PARP8: variants seen among roughly 807,000 people sequenced by gnomAD.
PARP8 encodes poly(ADP-ribose) polymerase family member 8.
PARP8 carries 51 observed loss-of-function variants against 124.1 expected under a neutral mutation model. The ratio of observed to expected loss-of-function variants is 0.41; its 90% CI spans 0.33 to 0.52. PARP8 has a LOEUF of 0.52. Among genes scored for constraint, PARP8 ranks in the 20% least tolerant of loss-of-function variants. The pLI, the probability that PARP8 is intolerant of heterozygous loss-of-function variation, is 0.21. For synonymous variants in PARP8, 391 were observed against 361.5 expected (o/e 1.08, Z -0.93); for missense variants, 860 against 1,018.9 (o/e 0.84, Z 2.12).
chr5:50,749,245 T>C (rs193015331), intron 2 of PARP8, among the ~76,000 whole-genome samples: 1 of 151,824 alleles, frequency 6.6e-6, no homozygotes, highest in Non-Finnish European at 1.5e-5. Flanking sequence ...AGAGAATTAG[T>C]TTTTTTTGTC....
chr5:50,755,953 G>C (rs1476168747), intron 3 of PARP8, among the ~76,000 whole-genome samples: 2 of 151,980 alleles, frequency 1.3e-5, no homozygotes, highest in Admixed American at 1.3e-4. Flanking sequence ...ATTATGAATG[G>C]GAGTTCACTC....
At chr5:50,692,785 C>T (rs897937518) in intron 2 of PARP8, among the ~76,000 whole-genome samples, 3 of 152,154 alleles carry the variant, frequency 2.0e-5, no homozygotes, top group Non-Finnish European at 4.4e-5. Flanking sequence ...ATTCCTCTGT[C>T]TTTGAGGCAC....
At chr5:50,712,828 A>T (rs1268544638) in intron 2 of PARP8, among the ~76,000 whole-genome samples, 1 of 152,052 alleles carries the variant, frequency 6.6e-6, no homozygotes, top group Non-Finnish European at 1.5e-5. Context: ...ACAGGAAAGA[A>T]GGAGGAACAA....
Position 50,666,961 on chromosome 5 carries a change from G to A in PARP8, c.-135G>A, listed in dbSNP as rs566605770. ...TCTTCTCTCACCCAGGATCACTTCC[G>A]AAACCACTTCGCCTTCAGCCCCTGC... On this transcript the variant is annotated 5_prime_UTR_variant, in exon 1 of 26. Coordinates refer to ENST00000281631, the MANE Select transcript of PARP8 (RefSeq NM_024615.4). 2.3e-6 allele frequency: 3 copies of A among 1,307,880 alleles called. No homozygotes were observed. Among genetic ancestry groups the A allele is most frequent in the African/African-American group, 1.5e-5 (1 of 65,488 alleles). 81.0% of individuals were successfully genotyped at this position (1,307,880 alleles called of 1,614,324 possible).
At chr5:50,793,877 A>G (rs952783630) in intron 10 of PARP8, among the ~76,000 whole-genome samples, 6 of 152,084 alleles carry the variant, frequency 3.9e-5, no homozygotes, top group Non-Finnish European at 5.9e-5. Flanking sequence ...CAAGTTGTTG[A>G]TCCTGAAGGC....
intron 14 of PARP8, among the ~76,000 whole-genome samples, chr5:50,811,966 G>A (rs1463426025): frequency 3.9e-5 from 6 of 152,124 alleles, no homozygotes; most frequent in Admixed American, 3.3e-4. Flanking sequence ...TATGTGTCAC[G>A]TTTTCTTAAT....
intron 2 of PARP8, among the ~76,000 whole-genome samples, chr5:50,713,611 A>G (rs1407382987): frequency 2.0e-5 from 3 of 152,134 alleles, no homozygotes; most frequent in South Asian, 2.1e-4. Flanking sequence ...AGACAGAATA[A>G]TGGCCACCAA....
intron 2 of PARP8, among the ~76,000 whole-genome samples, chr5:50,710,533 T>C (rs1421476330): frequency 1.3e-5 from 2 of 152,134 alleles, no homozygotes; most frequent in African/African-American, 4.8e-5. Context: ...AAACCTTTTT[T>C]ATTTAGAAGA....
At chr5:50,806,389 T>A (rs1580405429) in intron 14 of PARP8, among the ~76,000 whole-genome samples, 1 of 152,050 alleles carries the variant, frequency 6.6e-6, no homozygotes, top group South Asian at 2.1e-4. Flanking sequence ...GGCAATTCAT[T>A]CCTATAGTAA....
rs2045850017 is a variant in PARP8, at chr5:50,845,514, A to T, written c.*3446A>T. On this transcript the variant is annotated 3_prime_UTR_variant, in exon 26 of 26. Coordinates refer to ENST00000281631, the MANE Select transcript of PARP8 (RefSeq NM_024615.4). ...ACAAATGATAGACTGTTGGTAAGGT[A>T]AATTGGGTTTTCAATGTCAGGAACA... The T allele has an allele frequency of 6.6e-6, 1 of 151,732 alleles. No individual in the cohort carries two copies. Among genetic ancestry groups the T allele is most frequent in the African/African-American group, 2.4e-5 (1 of 41,406 alleles). 9.4% of individuals were successfully genotyped at this position (151,732 alleles called of 1,614,324 possible).
rs1167451510 is a variant in PARP8, at chr5:50,845,616, T to TAG, written c.*3548_*3549insAG. 1 of 151,794 alleles carries TAG rather than the reference T, an allele frequency of 6.6e-6. No individual in the cohort carries two copies. Among genetic ancestry groups the TAG allele is most frequent in the Non-Finnish European group, 1.5e-5 (1 of 67,816 alleles). 9.4% of individuals were successfully genotyped at this position (151,794 alleles called of 1,614,324 possible). ...CTGGACACAGATGTTGTCAGTTACT[T>TAG]CTGGACAATGTGGTAACATGGATAT... On this transcript the variant is annotated 3_prime_UTR_variant, in exon 26 of 26. Transcript: ENST00000281631.
chr5:50,719,786 G>T (rs983696143), intron 2 of PARP8, among the ~76,000 whole-genome samples: 1 of 152,000 alleles, frequency 6.6e-6, no homozygotes, highest in African/African-American at 2.4e-5. Context: ...AATAAAGAGA[G>T]AAGTTATAAA....
chr5:50,833,515 A>AG, intron 23 of PARP8: 1 of 352,466 alleles, frequency 2.8e-6, no homozygotes, highest in Non-Finnish European at 5.5e-6. Context: ...AATATCTGAA[A>AG]AAAAAAAAAA....
At chr5:50,841,721 A>C (rs1349610708) in intron 25 of PARP8, among the ~76,000 whole-genome samples, 11 of 149,000 alleles carry the variant, frequency 7.4e-5, no homozygotes, top group Non-Finnish European at 1.3e-4. Flanking sequence ...CTTGCAACTC[A>C]GACAGTCTTT....
chr5:50,775,655 C>T (rs1398855731), intron 7 of PARP8, among the ~76,000 whole-genome samples: 1 of 152,178 alleles, frequency 6.6e-6, no homozygotes, highest in African/African-American at 2.4e-5. Flanking sequence ...TTTTTCATAG[C>T]TGTTGTAAAT....
chr5:50,788,676 T>G, intron 10 of PARP8, 87 bp downstream of exon 10: 3 of 1,135,634 alleles, frequency 2.6e-6, no homozygotes, highest in Non-Finnish European at 3.9e-6. Flanking sequence ...AACAAAAACC[T>G]ATTCAGTAAG....
chr5:50,709,505 A>C (rs1754501066), intron 2 of PARP8, among the ~76,000 whole-genome samples: 1 of 150,930 alleles, frequency 6.6e-6, no homozygotes, highest in African/African-American at 2.4e-5. Context: ...CTTGTCTTTC[A>C]TATTCATGTT....
intron 15 of PARP8, among the ~76,000 whole-genome samples, chr5:50,818,179 C>A (rs1035481): frequency 6.2e-5 from 8 of 129,946 alleles, no homozygotes; most frequent in South Asian, 2.6e-4. Context: ...TCATTTAGCC[C>A]CCCCCCCCCC....
chr5:50,833,855 T>C (rs1747263132), intron 23 of PARP8, 124 bp from the exon 24 acceptor site: 4 of 662,920 alleles, frequency 6.0e-6, no homozygotes, highest in Non-Finnish European at 1.1e-5. Flanking sequence ...TTGATGCTAG[T>C]CTAGATAGGC....
Sources: allele counts gnomAD v4.1 joint callset (sites outside exome capture counted in the v4.1 genomes callset), GRCh38; gene constraint gnomAD v4.1.1; transcripts MANE v1.5; gene names NCBI Gene and HGNC (gene_info 2026-07-23, HGNC 2026-07-21).